The following NXPE4 variants were observed in gnomAD, a reference collection of about 807,000 sequenced individuals.
The protein encoded by NXPE4 is neurexophilin and PC-esterase domain family member 4.
Under a neutral mutation model 33.3 loss-of-function variants are expected in NXPE4, and 42 were observed. The ratio of observed to expected loss-of-function variants is 1.26; its 90% CI spans 0.98 to 1.63. NXPE4 has a LOEUF of 1.63. Ranked by LOEUF, NXPE4 falls within the 40% of genes most tolerant of loss-of-function variation. The pLI, the probability that NXPE4 is intolerant of heterozygous loss-of-function variation, is 0.00. For synonymous variants in NXPE4, 253 were observed against 234.9 expected (o/e 1.08, Z -0.71); for missense variants, 709 against 647.6 (o/e 1.09, Z -1.03).
intron 5 of NXPE4, among the ~76,000 whole-genome samples, chr11:114,574,094 A>G (rs1444234154): frequency 6.6e-6 from 1 of 152,122 alleles, no homozygotes; most frequent in African/African-American, 2.4e-5. Context: ...AAATTAAATA[A>G]CCTGCTCTTG....
At chr11:114,583,511 C>G (rs1329523823) in intron 2 of NXPE4, 4 of 616,954 alleles carry the variant, frequency 6.5e-6, no homozygotes, top group South Asian at 4.2e-5. Context: ...CGTGTCTGAG[C>G]ACAGCAAGCG....
Position 114,590,085 on chromosome 11 carries a change from C to A in NXPE4, c.96+4579G>T, listed in dbSNP as rs560913882. Among the ~76,000 whole-genome samples the A allele has an allele frequency of 5.9e-5, 9 of 152,302 alleles. No homozygotes were observed. The South Asian group carries it at 1.5e-3, about 25-fold the overall frequency. Reference sequence around the variant, plus strand: ...GCCCAGTTAAAATGGATGGTGCTGCCTCAGGGATTTTGAGATAATCCCTCA... The same window carrying A: ...GCCCAGTTAAAATGGATGGTGCTGCATCAGGGATTTTGAGATAATCCCTCA... On this transcript the variant is annotated intron_variant, in intron 2 of 5. Transcript: ENST00000375478.
intron 5 of NXPE4, 30 bp from the exon 6 acceptor site, chr11:114,571,503 AAGG>A (rs759872988): frequency 2.6e-6 from 4 of 1,552,938 alleles, no homozygotes. Context: ...CCCAAAATAA[AAGG>A]AGGATATAGT....
upstream of NXPE4, among the ~76,000 whole-genome samples, chr11:114,597,506 A>T (rs573158458): frequency 6.6e-6 from 1 of 152,212 alleles, no homozygotes; most frequent in Non-Finnish European, 1.5e-5. Context: ...TTTTTGATGG[A>T]TAAATATGCA....
At chr11:114,606,405 G>T in the NXPE4 span, among the ~76,000 whole-genome samples, 1 of 150,690 alleles carries the variant, frequency 6.6e-6, no homozygotes, top group Non-Finnish European at 1.5e-5. Flanking sequence ...ACTGTTACCC[G>T]GTGGATAATA....
At chr11:114,632,321 C>A in the NXPE4 span, among the ~76,000 whole-genome samples, 1 of 132,934 alleles carries the variant, frequency 7.5e-6, no homozygotes, top group South Asian at 2.2e-4. Context: ...TACTTATTAT[C>A]CACTGGGTAA....
the NXPE4 span, among the ~76,000 whole-genome samples, chr11:114,629,170 T>C: frequency 6.6e-6 from 1 of 152,190 alleles, no homozygotes; most frequent in East Asian, 1.9e-4. Context: ...TAACTCATTT[T>C]ATGAGGCCAG....
At chr11:114,647,584 G>T in the NXPE4 span, among the ~76,000 whole-genome samples, 1 of 152,024 alleles carries the variant, frequency 6.6e-6, no homozygotes, top group East Asian at 1.9e-4. Flanking sequence ...TTTTACATTT[G>T]CTGTTTAATA....
the NXPE4 span, among the ~76,000 whole-genome samples, chr11:114,627,373 T>A: frequency 6.6e-6 from 1 of 151,892 alleles, no homozygotes; most frequent in Non-Finnish European, 1.5e-5. Flanking sequence ...TTCAACATTC[T>A]TAAAGAGAAG....
In NXPE4 at chr11:114,571,399, T is replaced by C. The variant is rs1430061106; in HGVS notation, c.1174A>G (p.Asn392Asp). ...TAACAATATTTTTGCCACTGGATGTTGATGTTCCTATCCAAATCCACAGCA... is the reference window on the plus strand; with the variant it reads ...TAACAATATTTTTGCCACTGGATGTCGATGTTCCTATCCAAATCCACAGCA... ...QLAVDLDRNI[N>D]IQWQKYCYPL... The change falls in exon 6 of 6, where the codon AAC becomes GAC. Residue 392 changes from asparagine to aspartate, a missense_variant. By Grantham distance (23) the Asn-to-Asp change is conservative. Coordinates refer to ENST00000375478, the MANE Select transcript of NXPE4 (RefSeq NM_001077639.2). 2 of 1,613,752 alleles carry C rather than the reference T, an allele frequency of 1.2e-6. No homozygotes were observed. Among genetic ancestry groups the C allele is most frequent in the Non-Finnish European group, 8.5e-7 (1 of 1,179,820 alleles).
the NXPE4 span, among the ~76,000 whole-genome samples, chr11:114,635,054 T>C: frequency 0.024 from 3,603 of 151,846 alleles, 135 homozygotes; most frequent in African/African-American, 0.08. Context: ...TTACCTTGGG[T>C]AGTATGGCCA....
At chr11:114,669,268 C>T in the NXPE4 span, among the ~76,000 whole-genome samples, 5 of 152,150 alleles carry the variant, frequency 3.3e-5, no homozygotes, top group Admixed American at 3.3e-4. Context: ...TGAAGAAAAT[C>T]TTCTATATCT....
chr11:114,574,616 G>T (rs1948958001), intron 5 of NXPE4, among the ~76,000 whole-genome samples: 1 of 151,962 alleles, frequency 6.6e-6, no homozygotes, highest in Admixed American at 6.6e-5. Flanking sequence ...TAAATTCCTG[G>T]AAATATACAA....
chr11:114,608,526 C>T, the NXPE4 span, among the ~76,000 whole-genome samples: 1 of 151,928 alleles, frequency 6.6e-6, no homozygotes, highest in African/African-American at 2.4e-5. Flanking sequence ...CGTGGGTAAG[C>T]ACTGTTACCC....
chr11:114,620,380 C>T, the NXPE4 span, among the ~76,000 whole-genome samples: 14 of 151,864 alleles, frequency 9.2e-5, no homozygotes, highest in African/African-American at 2.7e-4. Flanking sequence ...AGTGTTGCCT[C>T]GTGGGTAACC....
the NXPE4 span, among the ~76,000 whole-genome samples, chr11:114,602,118 A>G: frequency 2.0e-5 from 2 of 101,546 alleles, no homozygotes; most frequent in African/African-American, 8.2e-5. Flanking sequence ...ATATATAATT[A>G]TATATATTAT....
At chr11:114,668,746 T>C in the NXPE4 span, among the ~76,000 whole-genome samples, 1 of 152,120 alleles carries the variant, frequency 6.6e-6, no homozygotes, top group Non-Finnish European at 1.5e-5. Context: ...TTAGTGAATA[T>C]TGTAAATATA....
At chr11:114,622,095 G>A in the NXPE4 span, among the ~76,000 whole-genome samples, 1 of 151,932 alleles carries the variant, frequency 6.6e-6, no homozygotes, top group Non-Finnish European at 1.5e-5. Flanking sequence ...AATAAGTACT[G>A]CCTCATCAGT....
chr11:114,632,618 ATATT>A, the NXPE4 span, among the ~76,000 whole-genome samples: 1 of 101,726 alleles, frequency 9.8e-6, no homozygotes, highest in East Asian at 2.4e-4. Flanking sequence ...TATTTTATAT[ATATT>A]TATATATAAT....
Sources: allele counts gnomAD v4.1 joint callset (sites outside exome capture counted in the v4.1 genomes callset), GRCh38; gene constraint gnomAD v4.1.1; transcripts MANE v1.5; gene names NCBI Gene and HGNC (gene_info 2026-07-23, HGNC 2026-07-21).